Variants in TENM4 observed in about 807,000 individuals in gnomAD.
TENM4 encodes the protein teneurin transmembrane protein 4, also known as teneurin-4.
A neutral mutation model predicts 243.3 loss-of-function variants in TENM4; 82 were observed. The ratio of observed to expected loss-of-function variants is 0.34; its 90% CI spans 0.28 to 0.40. The LOEUF (loss-of-function observed/expected upper bound fraction) is 0.40. Among genes scored for constraint, TENM4 ranks in the 10% least tolerant of loss-of-function variants. The pLI, the probability that TENM4 is intolerant of heterozygous loss-of-function variation, is 1.00. For synonymous variants in TENM4, 1,412 were observed against 1,456.3 expected, an observed-to-expected ratio of 0.97 and a Z score of 0.69; for missense variants, 3,138 against 3,673.3, an observed-to-expected ratio of 0.85 and a Z score of 3.77.
intron 12 of TENM4, among the ~76,000 whole-genome samples, chr11:78,848,069 T>C (rs529970218): frequency 3.4e-5 from 5 of 147,148 alleles, no homozygotes; most frequent in Admixed American, 6.7e-5. Context: ...GAGGAATGGA[T>C]TGTAGGGAAA....
rs543501717 is a variant in TENM4 at position 79,246,874 on chromosome 11, G to A, written c.-264-30965C>T. Among the ~76,000 whole-genome samples the A allele has an allele frequency of 3.4e-5, 3 of 89,482 alleles. No individual in the cohort carries two copies. In the East Asian group the frequency reaches 1.7e-3, roughly 51 times the overall value. The allele number at this position is 89,482 out of a possible 152,430, so 58.7% of individuals were successfully genotyped here. On this transcript the variant is annotated intron_variant, in intron 2 of 33. Transcript: ENST00000278550. ...CCAAGAAAGCTTTGGGAATATTACCGGTGTTCTATTTTTTGCCCTGAGTAG... is the reference window on the plus strand; with the variant it reads ...CCAAGAAAGCTTTGGGAATATTACCAGTGTTCTATTTTTTGCCCTGAGTAG...
intron 1 of TENM4, among the ~76,000 whole-genome samples, chr11:79,322,638 T>C (rs1047971540): frequency 1.3e-5 from 2 of 152,016 alleles, no homozygotes; most frequent in Admixed American, 6.5e-5. Context: ...AATTTGGTAG[T>C]AGATGAGAAA....
intron 1 of TENM4, among the ~76,000 whole-genome samples, chr11:79,336,977 A>T (rs568465881): frequency 6.6e-6 from 1 of 152,206 alleles, no homozygotes; most frequent in Non-Finnish European, 1.5e-5. Context: ...AGAAATCCAC[A>T]TTCAAGGCAC....
intron 3 of TENM4, among the ~76,000 whole-genome samples, chr11:79,159,150 C>T (rs1862688909): frequency 6.6e-6 from 1 of 152,140 alleles, no homozygotes; most frequent in Non-Finnish European, 1.5e-5. Flanking sequence ...GAGGGGGGCT[C>T]TACATGGCCC....
chr11:79,188,564 G>A (rs1590778159), intron 3 of TENM4, among the ~76,000 whole-genome samples: 1 of 151,844 alleles, frequency 6.6e-6, no homozygotes, highest in Middle Eastern at 3.4e-3. Flanking sequence ...GGAGAAGGAA[G>A]GGAGAATGGA....
intron 1 of TENM4, among the ~76,000 whole-genome samples, chr11:79,356,084 A>C (rs1030155211): frequency 1.3e-5 from 2 of 152,214 alleles, no homozygotes; most frequent in Non-Finnish European, 2.9e-5. Context: ...ATCAGTGGTC[A>C]GGATGATGAC....
At chr11:79,192,844 A>G (rs539624414) in intron 3 of TENM4, among the ~76,000 whole-genome samples, 1 of 152,190 alleles carries the variant, frequency 6.6e-6, no homozygotes, top group African/African-American at 2.4e-5. Context: ...AACCTAGACG[A>G]TATGATTATT....
chr11:78,889,393 C>T (rs910328178), intron 9 of TENM4, among the ~76,000 whole-genome samples: 1 of 152,240 alleles, frequency 6.6e-6, no homozygotes, highest in South Asian at 2.1e-4. Context: ...ACAGTCCCAA[C>T]AGGAGAGGCT....
chr11:79,084,931 T>A (rs1345408533), intron 4 of TENM4, among the ~76,000 whole-genome samples: 1 of 152,216 alleles, frequency 6.6e-6, no homozygotes, highest in African/African-American at 2.4e-5. Context: ...AACGTCAACA[T>A]CCTGCTTGTG....
chr11:79,194,606 T>A (rs554600180), intron 3 of TENM4, among the ~76,000 whole-genome samples: 1 of 152,206 alleles, frequency 6.6e-6, no homozygotes, highest in South Asian at 2.1e-4. Flanking sequence ...CCCTAGAGAT[T>A]TGTGGAAATT....
At chr11:78,790,704 C>G (rs942562560) in intron 15 of TENM4, among the ~76,000 whole-genome samples, 5 of 152,176 alleles carry the variant, frequency 3.3e-5, no homozygotes, top group African/African-American at 9.7e-5. Flanking sequence ...GGAAACGAAG[C>G]CTCAGAACAG....
intron 2 of TENM4, among the ~76,000 whole-genome samples, chr11:79,285,423 G>A (rs984035956): frequency 6.6e-5 from 10 of 152,090 alleles, no homozygotes; most frequent in African/African-American, 1.9e-4. Flanking sequence ...GTGAAATGGC[G>A]TAGCTATATT....
intron 6 of TENM4, among the ~76,000 whole-genome samples, chr11:78,910,944 G>T (rs1046002998): frequency 3.3e-5 from 5 of 152,164 alleles, no homozygotes; most frequent in Non-Finnish European, 7.3e-5. Flanking sequence ...GGCTTCCCTG[G>T]CTCCCCTTCC....
chr11:78,867,040 A>G (rs1858997236), intron 9 of TENM4, among the ~76,000 whole-genome samples: 2 of 152,184 alleles, frequency 1.3e-5, no homozygotes, highest in African/African-American at 4.8e-5. Context: ...AATGCATGAT[A>G]CTCATGTGAT....
At chr11:79,309,725 A>T (rs1483932382) in intron 1 of TENM4, among the ~76,000 whole-genome samples, 1 of 152,194 alleles carries the variant, frequency 6.6e-6, no homozygotes, top group Non-Finnish European at 1.5e-5. Flanking sequence ...AGGGGCCCTC[A>T]TTTGGAGGAT....
chr11:78,727,454 T>A lies in TENM4; in HGVS notation c.3407-1232A>T, dbSNP rs187654099. Among the ~76,000 whole-genome samples, 405 of 152,000 alleles carry A rather than the reference T, an allele frequency of 2.7e-3. 3 individuals carry two copies. Among genetic ancestry groups the A allele is most frequent in the African/African-American group, 9.2e-3 (381 of 41,450 alleles). On this transcript the variant is annotated intron_variant, in intron 22 of 33. Coordinates refer to ENST00000278550, the MANE Select transcript of TENM4 (RefSeq NM_001098816.3). ...CGCCTCAAAAAAAAAAAAAAGAAAT[T>A]ATGTATGAAAAAAGAAAACTAGTTG...
chr11:79,237,363 G>C (rs1864496294), intron 2 of TENM4, among the ~76,000 whole-genome samples: 1 of 152,122 alleles, frequency 6.6e-6, no homozygotes, highest in South Asian at 2.1e-4. Flanking sequence ...AGATCACCTG[G>C]CTTATTAAAC....
At chr11:78,881,569 G>A (rs1855433997) in intron 9 of TENM4, among the ~76,000 whole-genome samples, 1 of 152,092 alleles carries the variant, frequency 6.6e-6, no homozygotes, top group Non-Finnish European at 1.5e-5. Context: ...ATTAGCCAGG[G>A]GGTAGTACCA....
Position 78,672,164 on chromosome 11 carries a change from A to T in TENM4, c.5662T>A (p.Ser1888Thr), listed in dbSNP as rs201179027. ...ATGCCAGCAATGTAACCCCCAGGGG[A>T]GTATGTCACGTTGACACCATTCAGC... ...SRLNGVNVTY[S>T]PGGYIAGIQR... The change falls in exon 31 of 34, where the codon TCC becomes ACC. Residue 1888 changes from serine to threonine, a missense_variant. Ser to Thr is a moderately conservative substitution (Grantham distance 58). Transcript: ENST00000278550. 830 of 1,613,780 alleles carry T rather than the reference A, an allele frequency of 5.1e-4. 1 individual carries two copies. Among genetic ancestry groups the T allele is most frequent in the Non-Finnish European group, 6.1e-4 (720 of 1,179,836 alleles).
Sources: gnomAD v4.1 joint callset for allele counts (sites outside exome capture counted in the v4.1 genomes callset) on GRCh38, gnomAD v4.1.1 for gene constraint, MANE v1.5 for transcripts, NCBI Gene and HGNC (gene_info 2026-07-23, HGNC 2026-07-21) for gene names.